The following LAMP5 variants were observed in gnomAD, a reference collection of about 807,000 sequenced individuals.
LAMP5 encodes the protein lysosome associated membrane protein 5, also known as lysosome-associated membrane glycoprotein 5.
A neutral mutation model predicts 30.2 loss-of-function variants in LAMP5; 36 were observed. That is an observed-to-expected ratio of 1.19 (90% CI 0.91 to 1.57). LAMP5 has a LOEUF of 1.57. LAMP5 is among the 40% of genes most tolerant of loss of function. LAMP5 has a pLI of 0.00. For missense variants in LAMP5, 377 were observed against 354.9 expected, an observed-to-expected ratio of 1.06 and a Z score of -0.50; for synonymous variants, 149 against 134.6, an observed-to-expected ratio of 1.11 and a Z score of -0.74.
chr20:9,522,937 G>A (rs1056966048), intron 5 of LAMP5, among the ~76,000 whole-genome samples: 1 of 145,896 alleles, frequency 6.9e-6, no homozygotes, highest in Non-Finnish European at 1.5e-5. Flanking sequence ...AACAATACTT[G>A]CACTTATAAT....
intron 5 of LAMP5, among the ~76,000 whole-genome samples, chr20:9,526,044 TAAG>T (rs1568945459): frequency 1.3e-5 from 2 of 152,078 alleles, no homozygotes; most frequent in African/African-American, 4.8e-5. Context: ...GGGAGAGAGT[TAAG>T]AAGGGAAGAG....
chr20:9,515,865 T>A, intron 2 of LAMP5, 135 bp from the exon 3 acceptor site: 1 of 1,099,608 alleles, frequency 9.1e-7, no homozygotes, highest in South Asian at 1.8e-5. Context: ...TCTAACCGCA[T>A]GTTCCCGGAA....
At position 9,527,063 on chromosome 20, in the gene LAMP5, A is replaced by G. The variant is rs190987811; in HGVS notation, c.665-2579A>G. Among the ~76,000 whole-genome samples, 29 of 152,058 alleles carry G rather than the reference A, an allele frequency of 1.9e-4. No individual in the cohort carries two copies. In the East Asian group the frequency reaches 5.4e-3, roughly 28 times the overall value. ...AACTTCCTTGTTCCCCTTTGTAATA[A>G]GTATCCAGCTCATTGAATTTTCAGA... On this transcript the variant is annotated intron_variant, in intron 5 of 5. Coordinates refer to ENST00000246070, the MANE Select transcript of LAMP5 (RefSeq NM_012261.4).
chr20:9,527,531 A>G (rs1281587370), intron 5 of LAMP5, among the ~76,000 whole-genome samples: 3 of 152,196 alleles, frequency 2.0e-5, no homozygotes, highest in Non-Finnish European at 2.9e-5. Context: ...GACTATGTCA[A>G]TAGGGATTCT....
intron 5 of LAMP5, 72 bp downstream of exon 5, chr20:9,518,300 G>A (rs2045056763): frequency 1.4e-6 from 2 of 1,385,702 alleles, no homozygotes; most frequent in Admixed American, 3.5e-5. Flanking sequence ...GACCTACCAG[G>A]GCCCCAGGAT....
At position 9,528,511 on chromosome 20, in the gene LAMP5, G is replaced by A. The variant is rs111569482; in HGVS notation, c.665-1131G>A. ...TGAAACATTGTTTACACATAGAAAT[G>A]ATAAATTCTGGAGGTGATGAATATC... On this transcript the variant is annotated intron_variant, in intron 5 of 5. Transcript: ENST00000246070. 7.9e-3 allele frequency among the ~76,000 whole-genome samples: 1,204 copies of A among 152,230 alleles called. 9 individuals carry two copies. Among genetic ancestry groups the A allele is most frequent in the African/African-American group, 0.028 (1,156 of 41,520 alleles).
In LAMP5 at chr20:9,516,002, G is replaced by A. The variant is rs981684506; in HGVS notation, c.240G>A (p.Leu80=). ...YDVWASNYVD[L]ITEQADIALT... ...GCGCGGGGCGTCTGTGTTCCCAGCTGATCACAGAACAGGCCGATATCGCAT... is the reference window on the plus strand; with the variant it reads ...GCGCGGGGCGTCTGTGTTCCCAGCTAATCACAGAACAGGCCGATATCGCAT... Residue 80 remains leucine, a splice_region_variant and synonymous_variant, in exon 3 of 6, where the codon CTG becomes CTA. Coordinates refer to ENST00000246070, the MANE Select transcript of LAMP5 (RefSeq NM_012261.4). 6.6e-7 allele frequency: 1 copy of A among 1,507,888 alleles called. No individual in the cohort carries two copies. The highest frequency in any genetic ancestry group is 8.8e-7 in the Non-Finnish European group (1 of 1,130,906). The allele number at this position is 1,507,888 out of a possible 1,614,324, so 93.4% of individuals were successfully genotyped here. A position where few individuals can be genotyped will look rare whatever the true frequency, so the allele number is the denominator to read the frequency against.
At chr20:9,526,860 G>GTATATATATATATATATATATA (rs201564418) in intron 5 of LAMP5, among the ~76,000 whole-genome samples, 2 of 80,228 alleles carry the variant, frequency 2.5e-5, no homozygotes, top group Non-Finnish European at 5.1e-5. Context: ...GTGTGTGTGT[G>GTATATATATATATATATATATA]TATATATATA....
At chr20:9,529,282 C>A (rs531229585) in intron 5 of LAMP5, among the ~76,000 whole-genome samples, 16 of 151,556 alleles carry the variant, frequency 1.1e-4, no homozygotes, top group African/African-American at 3.4e-4. Context: ...TTATATAATG[C>A]GTTATGTGTA....
Position 9,525,848 on chromosome 20 carries a change from T to A in LAMP5, c.665-3794T>A, listed in dbSNP as rs181717247. Among the ~76,000 whole-genome samples, 460 of 152,324 alleles carry A rather than the reference T, an allele frequency of 3.0e-3. 2 individuals carry two copies. Among genetic ancestry groups the A allele is most frequent in the African/African-American group, 0.01 (430 of 41,578 alleles). On this transcript the variant is annotated intron_variant, in intron 5 of 5. Coordinates refer to ENST00000246070, the MANE Select transcript of LAMP5 (RefSeq NM_012261.4). ...ACCTGTCCATGTTCTCCAGTGATTTTGCTACATAAGCTCTTGCTCCCAGAC... is the reference window on the plus strand; with the variant it reads ...ACCTGTCCATGTTCTCCAGTGATTTAGCTACATAAGCTCTTGCTCCCAGAC...
At chr20:9,519,810 A>G (rs990848229) in intron 5 of LAMP5, among the ~76,000 whole-genome samples, 2 of 152,214 alleles carry the variant, frequency 1.3e-5, no homozygotes, top group Admixed American at 1.3e-4. Context: ...ATTAGCTGTT[A>G]CTAGGCGCTT....
chr20:9,516,245 C>T lies in LAMP5; in HGVS notation c.370-11C>T, dbSNP rs183749682. 926 of 1,613,952 alleles carry T rather than the reference C, an allele frequency of 5.7e-4. 8 individuals are homozygous for T. Among genetic ancestry groups the T allele is most frequent in the Middle Eastern group, 4.1e-3 (25 of 6,062 alleles). On this transcript the variant is annotated splice_polypyrimidine_tract_variant and intron_variant, in intron 3 of 5. Transcript: ENST00000246070. ...CGGGGACGATTGAAGCGCACCTCCC[C>T]GGCTCAACAGGAAAGCCACAACATG...
chr20:9,518,123 A>C lies in LAMP5; in HGVS notation c.559A>C (p.Thr187Pro). Residue 187 changes from threonine (T) to proline (P), a missense_variant, in exon 5 of 6, where the codon ACC becomes CCC. Transcript: ENST00000246070. ...GKSYECQAQQ[T>P]ISLASSDPQK... ...GTCCTATGAGTGTCAAGCTCAACAA[A>C]CCATTTCACTGGCCTCTAGTGATCC... 1 of 1,614,032 alleles carries C rather than the reference A, an allele frequency of 6.2e-7. No individual in the cohort carries two copies. Among genetic ancestry groups the C allele is most frequent in the Non-Finnish European group, 8.5e-7 (1 of 1,180,002 alleles).
intron 2 of LAMP5, 68 bp downstream of exon 2, chr20:9,515,693 G>T: frequency 1.3e-6 from 2 of 1,539,986 alleles, no homozygotes; most frequent in South Asian, 2.4e-5. Flanking sequence ...CTTCCTCAAG[G>T]CTCTTCGAAG....
At chr20:9,518,734 G>C (rs926476) in intron 5 of LAMP5, among the ~76,000 whole-genome samples, 20,695 of 152,324 alleles carry the variant, frequency 0.14, 1,759 homozygotes, top group South Asian at 0.26. Flanking sequence ...TTCTGGGCCC[G>C]TTTCTTCTTG....
chr20:9,518,218 C>T lies in LAMP5; in HGVS notation c.654C>T (p.Val218=), dbSNP rs765105506. 6.2e-7 allele frequency: 1 copy of T among 1,613,928 alleles called. No homozygotes were observed. Among genetic ancestry groups the T allele is most frequent in the African/African-American group, 1.3e-5 (1 of 74,912 alleles). The change falls in exon 5 of 6, where the codon GTC becomes GTT. Residue 218 remains valine, a synonymous_variant. Transcript: ENST00000246070. Reference sequence around the variant, plus strand: ...CTTTTGACATTATCTCAGATTTTGTCTTCAGTGAAGGTAAGTTGTTGGGGG... The same window carrying T: ...CTTTTGACATTATCTCAGATTTTGTTTTCAGTGAAGGTAAGTTGTTGGGGG... ...IQPFDIISDF[V]FSEEHKCPVD... is the part of the protein sequence containing the mutation.
intron 2 of LAMP5, 94 bp from the exon 3 acceptor site, chr20:9,515,906 A>C (rs2045033785): frequency 7.3e-7 from 1 of 1,370,244 alleles, no homozygotes; most frequent in African/African-American, 1.5e-5. Context: ...AGGAGCGCCC[A>C]AGCGTGCAAC....
At chr20:9,525,986 G>A (rs1342937414) in intron 5 of LAMP5, among the ~76,000 whole-genome samples, 2 of 152,218 alleles carry the variant, frequency 1.3e-5, no homozygotes, top group East Asian at 3.9e-4. Flanking sequence ...GAAGAAGTGA[G>A]CTAAAACCAT....
At chr20:9,521,364 A>G (rs1200288836) in intron 5 of LAMP5, among the ~76,000 whole-genome samples, 1 of 152,146 alleles carries the variant, frequency 6.6e-6, no homozygotes, top group African/African-American at 2.4e-5. Flanking sequence ...ATGAGGTTTC[A>G]AGGAGTATGC....
Sources: gnomAD v4.1 joint callset for allele counts (sites outside exome capture counted in the v4.1 genomes callset) on GRCh38, gnomAD v4.1.1 for gene constraint, MANE v1.5 for transcripts, NCBI Gene and HGNC (gene_info 2026-07-23, HGNC 2026-07-21) for gene names.